Variants in BCAS4 observed in about 807,000 individuals in gnomAD.
The protein encoded by BCAS4 is breast carcinoma amplified sequence 4.
In BCAS4, 9 loss-of-function variants were observed where a neutral mutation model predicts 15.7. That is an observed-to-expected ratio of 0.57 (90% confidence interval 0.34 to 1.00). The LOEUF is 1.00. BCAS4 is among the 50% of genes least tolerant of loss of function. BCAS4 has a pLI of 0.02. For missense variants in BCAS4, 225 were observed against 239.1 expected, an observed-to-expected ratio of 0.94 and a Z score of 0.39; for synonymous variants, 101 against 99.5, an observed-to-expected ratio of 1.02 and a Z score of -0.09.
intron 3 of BCAS4, chr20:50,840,755 C>A: frequency 6.2e-7 from 1 of 1,606,450 alleles, no homozygotes. Flanking sequence ...GACATGGTTA[C>A]GGAGGAGAAG....
At chr20:50,847,225 T>C (rs2088556720) in intron 4 of BCAS4, among the ~76,000 whole-genome samples, 1 of 152,124 alleles carries the variant, frequency 6.6e-6, no homozygotes, top group South Asian at 2.1e-4. Context: ...TAGCTGGGAT[T>C]ACAGGCGCGC....
chr20:50,830,192 C>G lies in BCAS4; in HGVS notation c.163-87C>G, dbSNP rs2088326578. ...CTGGCACCTCAGCCATCATTGGGGT[C>G]TGTGTAGACCCTGGCCAACCTCTGA... is the stretch of plus-strand genomic sequence containing the variant. On this transcript the variant is annotated intron_variant, in intron 2 of 4. Transcript: ENST00000371608. The G allele has an allele frequency of 3.8e-6, 4 of 1,053,668 alleles. No homozygotes were observed. In the African/African-American group the frequency reaches 6.3e-5, roughly 17 times the overall value. The allele number at this position is 1,053,668 out of a possible 1,614,324, so 65.3% of individuals were successfully genotyped here.
chr20:50,848,057 CA>C (rs201988435), intron 4 of BCAS4, among the ~76,000 whole-genome samples: 2 of 149,522 alleles, frequency 1.3e-5, no homozygotes, highest in Non-Finnish European at 3.0e-5. Context: ...GCAACAACAA[CA>C]AAAAAAAACA....
intron 4 of BCAS4, among the ~76,000 whole-genome samples, chr20:50,870,334 C>T (rs1418284511): frequency 6.6e-6 from 1 of 152,118 alleles, no homozygotes; most frequent in Non-Finnish European, 1.5e-5. Context: ...AGAAACAGGG[C>T]AGCACAGGGC....
chr20:50,820,500 G>A (rs2088200795), intron 2 of BCAS4, among the ~76,000 whole-genome samples: 2 of 152,192 alleles, frequency 1.3e-5, no homozygotes, highest in South Asian at 4.1e-4. Context: ...TGGTATGGCT[G>A]GGCACTGGGT....
chr20:50,869,456 C>CA (rs755668245), intron 4 of BCAS4, among the ~76,000 whole-genome samples: 3 of 152,186 alleles, frequency 2.0e-5, no homozygotes, highest in Non-Finnish European at 2.9e-5. Flanking sequence ...ATGCTGGGCC[C>CA]AGCAGCCCTG....
intron 4 of BCAS4, among the ~76,000 whole-genome samples, chr20:50,860,374 C>G (rs1979007016): frequency 6.6e-6 from 1 of 152,196 alleles, no homozygotes. Flanking sequence ...CCCGCCAGGT[C>G]CCCTGTGCTG....
rs529049369 is a variant in BCAS4 at position 50,797,475 on chromosome 20, A to G, written c.90+2302A>G. Among the ~76,000 whole-genome samples, 3 of 152,268 alleles carry G rather than the reference A, an allele frequency of 2.0e-5. No homozygotes were observed. In the East Asian group the frequency reaches 5.8e-4, roughly 29 times the overall value. On this transcript the variant is annotated intron_variant, in intron 1 of 4. Coordinates refer to ENST00000371608, the MANE Select transcript of BCAS4 (RefSeq NM_198799.4). ...CTTAGGAAGCTGAGGTGGGAGGATC[A>G]CTTGAGACCAGGAGTTCAAGACCAG...
chr20:50,851,123 C>T lies in BCAS4; in HGVS notation c.399+9223C>T, dbSNP rs1335926784. Among the ~76,000 whole-genome samples the T allele has an allele frequency of 0.14, 23 of 166 alleles. No homozygotes were observed. The highest frequency in any genetic ancestry group is 0.44 in the South Asian group (7 of 16). The allele number at this position is 166 out of a possible 152,430, so 0.1% of individuals were successfully genotyped here. ...CAGAATCCCCCTGCAGGAGGTGACT[C>T]GGGGAGGGAGCCCGACAGCTCAGCT... is the stretch of plus-strand genomic sequence containing the variant. On this transcript the variant is annotated intron_variant, in intron 4 of 4. Transcript: ENST00000371608. This position sits in a 1 kb window ranked among gnomAD's most constrained non-coding sequence, Gnocchi z 4.3.
At chr20:50,795,206 G>T in intron 1 of BCAS4, 33 bp downstream of exon 1, 2 of 1,354,404 alleles carry the variant, frequency 1.5e-6, no homozygotes, top group East Asian at 3.1e-5. Flanking sequence ...TGGAGGAGAG[G>T]GTTCTCGCGG....
At chr20:50,813,907 C>T (rs1447771725) in intron 1 of BCAS4, among the ~76,000 whole-genome samples, 2 of 151,952 alleles carry the variant, frequency 1.3e-5, no homozygotes, top group Non-Finnish European at 2.9e-5. Context: ...AGCCTCTCGC[C>T]TCCTTCCCCT....
chr20:50,803,801 C>CAAA (rs77271343), intron 1 of BCAS4, among the ~76,000 whole-genome samples: 14 of 90,982 alleles, frequency 1.5e-4, no homozygotes, highest in African/African-American at 3.5e-4. Flanking sequence ...ACTAGACTCC[C>CAAA]AAAAAAAAAA....
chr20:50,848,316 C>G (rs768860619), intron 4 of BCAS4, among the ~76,000 whole-genome samples: 2 of 152,054 alleles, frequency 1.3e-5, no homozygotes, highest in Non-Finnish European at 2.9e-5. Context: ...CAGGAGTGGC[C>G]TCTGAGGAGG....
chr20:50,852,351 G>A (rs1431904387), intron 4 of BCAS4, among the ~76,000 whole-genome samples: 1 of 151,660 alleles, frequency 6.6e-6, no homozygotes, highest in Non-Finnish European at 1.5e-5. Flanking sequence ...GCCAGGCCTT[G>A]CGCTTTTTGT....
intron 1 of BCAS4, among the ~76,000 whole-genome samples, chr20:50,795,614 T>G (rs892690504): frequency 6.6e-6 from 1 of 152,202 alleles, no homozygotes; most frequent in Non-Finnish European, 1.5e-5. Context: ...CGCTTTCTAT[T>G]TTAAAAGCAC....
intron 4 of BCAS4, among the ~76,000 whole-genome samples, chr20:50,856,679 A>G (rs957072775): frequency 6.6e-6 from 1 of 152,198 alleles, no homozygotes; most frequent in Non-Finnish European, 1.5e-5. Flanking sequence ...GGTACGGGGC[A>G]GGAGGGGCTC....
chr20:50,865,776 G>T (rs138600057), intron 4 of BCAS4, among the ~76,000 whole-genome samples: 163 of 152,318 alleles, frequency 1.1e-3, no homozygotes, highest in African/African-American at 3.7e-3. Flanking sequence ...ATGGGAAGGG[G>T]CCGGTGCCCA....
chr20:50,819,588 C>A (rs915942416), intron 2 of BCAS4, among the ~76,000 whole-genome samples: 1 of 152,142 alleles, frequency 6.6e-6, no homozygotes, highest in Non-Finnish European at 1.5e-5. Context: ...TCATCCCTAC[C>A]TATTCAGCGG....
chr20:50,829,106 T>C (rs902761415), intron 2 of BCAS4, among the ~76,000 whole-genome samples: 1 of 152,198 alleles, frequency 6.6e-6, no homozygotes, highest in Non-Finnish European at 1.5e-5. Context: ...CTGGTGTTTC[T>C]CTAACAGTGG....
Sources: allele counts gnomAD v4.1 joint callset (sites outside exome capture counted in the v4.1 genomes callset), GRCh38; gene constraint gnomAD v4.1.1; non-coding constraint Gnocchi (gnomAD v3.1); transcripts MANE v1.5; gene names NCBI Gene and HGNC (gene_info 2026-07-23, HGNC 2026-07-21).